Variants in TPP1 observed in about 807,000 individuals in gnomAD.
TPP1 encodes the protein tripeptidyl-peptidase 1.
In TPP1, 43 loss-of-function variants were observed where a neutral mutation model predicts 67.6. The observed-to-expected ratio is 0.64, with a 90% CI of 0.50 to 0.82. The LOEUF is 0.82. Ranked by LOEUF, TPP1 falls within the 40% of genes least tolerant of loss-of-function variation. The pLI is 0.00. For synonymous variants in TPP1, 272 were observed against 281.5 expected, an observed-to-expected ratio of 0.97 and a Z score of 0.34; for missense variants, 671 against 710.9, an observed-to-expected ratio of 0.94 and a Z score of 0.64.
chr11:6,614,825 A>C (rs1180717961), intron 12 of TPP1, 41 bp downstream of exon 12: 1 of 1,613,838 alleles, frequency 6.2e-7, no homozygotes, highest in South Asian at 1.1e-5. Context: ...CACTCCCCAT[A>C]GTTGTTTGAA....
chr11:6,616,654 G>C lies in TPP1; in HGVS notation c.886+7C>G, dbSNP rs886048543. Reference sequence around the variant, plus strand: ...CCTTCCCCACTGTCCAGTCCTCTTGGTAGTACCAGGGCTACTGTAGACCCA... The same window carrying C: ...CCTTCCCCACTGTCCAGTCCTCTTGCTAGTACCAGGGCTACTGTAGACCCA... On this transcript the variant is annotated splice_region_variant and intron_variant, in intron 7 of 12. Coordinates refer to ENST00000299427, the MANE Select transcript of TPP1 (RefSeq NM_000391.4). 1 of 1,613,848 alleles carries C rather than the reference G, an allele frequency of 6.2e-7. No homozygotes were observed. Among genetic ancestry groups the C allele is most frequent in the East Asian group, 2.2e-5 (1 of 44,882 alleles).
intron 12 of TPP1, 44 bp downstream of exon 12, chr11:6,614,822 C>T (rs369546082): frequency 1.5e-5 from 25 of 1,613,840 alleles, no homozygotes; most frequent in African/African-American, 2.7e-5. Context: ...TAGCACTCCC[C>T]ATAGTTGTTT....
In TPP1 at chr11:6,614,585, G is replaced by A. The variant is rs372564255; in HGVS notation, c.1653C>T (p.Pro551=). ...GAGTCTTCAGCAAAGCTGGGAAGTTGGGTGTTCCCCAGCCTGTTACAGGAT... is the reference window on the plus strand; with the variant it reads ...GAGTCTTCAGCAAAGCTGGGAAGTTAGGTGTTCCCCAGCCTGTTACAGGAT... The part of the protein sequence containing the change: ...GWDPVTGWGT[P]NFPALLKTLL... Residue 551 remains proline, a synonymous_variant, in exon 13 of 13, where the codon CCC becomes CCT. Coordinates refer to ENST00000299427, the MANE Select transcript of TPP1 (RefSeq NM_000391.4). 1 of 1,614,130 alleles carries A rather than the reference G, an allele frequency of 6.2e-7. No individual in the cohort carries two copies. The highest frequency in any genetic ancestry group is 1.1e-5 in the South Asian group (1 of 91,086).
Position 6,614,463 on chromosome 11 carries a change from C to G in TPP1, c.*83G>C. 1 of 1,593,260 alleles carries G rather than the reference C, an allele frequency of 6.3e-7. No homozygotes were observed. On this transcript the variant is annotated 3_prime_UTR_variant, in exon 13 of 13. Transcript: ENST00000299427. The stretch of plus-strand genomic sequence containing the variant: ...CAGCAGTCAATAGTTGAGGGTTCAG[C>G]AGGGCTTCCAACAGGGCAGAATAAG...
Position 6,616,398 on chromosome 11 carries a change from G to A in TPP1, c.992C>T (p.Ser331Phe), listed in dbSNP as rs755386210. The A allele has an allele frequency of 1.2e-6, 2 of 1,613,998 alleles. No individual in the cohort carries two copies. Among genetic ancestry groups the A allele is most frequent in the Non-Finnish European group, 1.7e-6 (2 of 1,180,014 alleles). ...CCGCTGGATGTAGGCGCTGCTGAGGGAGTCCTCATCATCTCCATAGCTCAC... is the reference window on the plus strand; with the variant it reads ...CCGCTGGATGTAGGCGCTGCTGAGGAAGTCCTCATCATCTCCATAGCTCAC... ...HTVSYGDDED[S>F]LSSAYIQRVN... is the part of the protein sequence containing the mutation. Residue 331 changes from serine to phenylalanine, a missense_variant, in exon 8 of 13, where the codon TCC (serine) becomes TTC (phenylalanine). Coordinates refer to ENST00000299427, the MANE Select transcript of TPP1 (RefSeq NM_000391.4).
Position 6,617,161 on chromosome 11 carries a change from G to C in TPP1, c.509-8C>G, listed in dbSNP as rs771299096. 1 of 1,613,972 alleles carries C rather than the reference G, an allele frequency of 6.2e-7. No homozygotes were observed. The highest frequency in any genetic ancestry group is 1.7e-5 in the Admixed American group (1 of 60,002). On this transcript the variant is annotated splice_region_variant and splice_polypyrimidine_tract_variant and intron_variant, in intron 5 of 12. Transcript: ENST00000299427. Reference sequence around the variant, plus strand: ...AACGGTGCAGTCCCCCCACTGTAGGGAGAAGTCAGGCTTGAGGAGATCTTA... The same window carrying C: ...AACGGTGCAGTCCCCCCACTGTAGGCAGAAGTCAGGCTTGAGGAGATCTTA...
At position 6,614,640 on chromosome 11, in the gene TPP1, C is replaced by T. The variant is rs1446194759; in HGVS notation, c.1598G>A (p.Gly533Asp). 19 of 1,614,124 alleles carry T rather than the reference C, an allele frequency of 1.2e-5. No homozygotes were observed. The highest frequency in any genetic ancestry group is 1.7e-5 in the Admixed American group (1 of 60,018). Residue 533 changes from glycine (G) to aspartate (D), a missense_variant, in exon 13 of 13, where the codon GGC becomes GAC. Physicochemically the swap from Gly to Asp is moderately conservative, Grantham distance 94 (BLOSUM62 -1). Transcript: ENST00000299427. The part of the protein sequence containing the change: ...HESCLDEEVE[G>D]QGFCSGPGWD... Reference sequence around the variant, plus strand: ...GCCAGGACCAGAGCAGAAACCCTGGCCCTCTACCTCTTCATCCAGACAGGA... The same window carrying T: ...GCCAGGACCAGAGCAGAAACCCTGGTCCTCTACCTCTTCATCCAGACAGGA...
At position 6,613,073 on chromosome 11, in the gene TPP1, C is replaced by T. The variant is rs973519581; in HGVS notation, c.*1473G>A. 6.6e-6 allele frequency: 1 copy of T among 152,414 alleles called. No individual in the cohort carries two copies. Among genetic ancestry groups the T allele is most frequent in the Middle Eastern group, 3.2e-3 (1 of 316 alleles). The allele number at this position is 152,414 out of a possible 1,614,324, so 9.4% of individuals were successfully genotyped here. On this transcript the variant is annotated 3_prime_UTR_variant, in exon 13 of 13. Coordinates refer to ENST00000299427, the MANE Select transcript of TPP1 (RefSeq NM_000391.4). ...TATGAAAGGCAGGTATTGATATTCACACTTAACAGACGAGGAAACAGCCTC... is the reference window on the plus strand; with the variant it reads ...TATGAAAGGCAGGTATTGATATTCATACTTAACAGACGAGGAAACAGCCTC...
Position 6,613,734 on chromosome 11 carries a change from A to T in TPP1, c.*812T>A, listed in dbSNP as rs898984736. 1.2e-4 allele frequency: 18 copies of T among 152,708 alleles called. No individual in the cohort carries two copies. Among genetic ancestry groups the T allele is most frequent in the African/African-American group, 4.1e-4 (17 of 41,450 alleles). 9.5% of individuals were successfully genotyped at this position (152,708 alleles called of 1,614,324 possible). A position where few individuals can be genotyped will look rare whatever the true frequency, so the allele number is the denominator to read the frequency against. On this transcript the variant is annotated 3_prime_UTR_variant, in exon 13 of 13. Coordinates refer to ENST00000299427, the MANE Select transcript of TPP1 (RefSeq NM_000391.4). Reference sequence around the variant, plus strand: ...TGATTGAAGGTGGGGTGAAAAGATGACACAGGTTTCTGGCTTGGTTGGAAA... The same window carrying T: ...TGATTGAAGGTGGGGTGAAAAGATGTCACAGGTTTCTGGCTTGGTTGGAAA...
chr11:6,615,478 A>G lies in TPP1; in HGVS notation c.1230T>C (p.Gly410=). ...GCCGTGGGAACACATTGCTGAAGCC[A>G]CCACCACTGATATAGTCAACAATTT... is the stretch of plus-strand genomic sequence containing the variant. The part of the protein sequence containing the change: ...TNEIVDYISG[G]GFSNVFPRPS... The change falls in exon 10 of 13, where the codon GGT becomes GGC. Residue 410 remains glycine (G), a synonymous_variant. Coordinates refer to ENST00000299427, the MANE Select transcript of TPP1 (RefSeq NM_000391.4). 1 of 1,614,238 alleles carries G rather than the reference A, an allele frequency of 6.2e-7. No individual in the cohort carries two copies. Among genetic ancestry groups the G allele is most frequent in the Non-Finnish European group, 8.5e-7 (1 of 1,180,042 alleles).
chr11:6,616,422 A>G lies in TPP1; in HGVS notation c.968T>C (p.Val323Ala), dbSNP rs770155767. 5.0e-6 allele frequency: 8 copies of G among 1,613,480 alleles called. No homozygotes were observed. Among genetic ancestry groups the G allele is most frequent in the Non-Finnish European group, 6.8e-6 (8 of 1,179,766 alleles). The change falls in exon 8 of 13, where the codon GTG (valine) becomes GCG (alanine). Residue 323 changes from valine (V) to alanine (A), a missense_variant. Transcript: ENST00000299427. Reference protein sequence around the residue: ...NESALPHVHTVSYGDDEDSLS... With the variant: ...NESALPHVHTASYGDDEDSLS... ...GGAGTCCTCATCATCTCCATAGCTC[A>G]CAGTATGCACATGTGGCAGGGCTGA...
Position 6,616,774 on chromosome 11 carries a change from G to A in TPP1, c.773C>T (p.Ala258Val), listed in dbSNP as rs769442364. Residue 258 changes from alanine (A) to valine (V), a missense_variant, in exon 7 of 13, where the codon GCC becomes GTC. Physicochemically the swap from Ala to Val is moderately conservative, Grantham distance 64. Transcript: ENST00000299427. ...CCGGCCCTGTTGTCCAACCACACGGGCTACTGATGCCTGATGTGCAAAGTT... is the reference window on the plus strand; with the variant it reads ...CCGGCCCTGTTGTCCAACCACACGGACTACTGATGCCTGATGTGCAAAGTT... ...GGNFAHQASV[A>V]RVVGQQGRGR... 1 of 1,613,856 alleles carries A rather than the reference G, an allele frequency of 6.2e-7. No homozygotes were observed. Among genetic ancestry groups the A allele is most frequent in the Non-Finnish European group, 8.5e-7 (1 of 1,180,028 alleles).
chr11:6,615,369 C>G, intron 10 of TPP1, 40 bp from the exon 11 acceptor site: 1 of 1,614,060 alleles, frequency 6.2e-7, no homozygotes, highest in Non-Finnish European at 8.5e-7. Flanking sequence ...ATGTGGCCTG[C>G]CCAGCAGTCA....
intron 3 of TPP1, chr11:6,618,540 G>A (rs1855619246): frequency 1.5e-5 from 9 of 616,012 alleles, no homozygotes; most frequent in East Asian, 1.4e-4. Context: ...GGATTTGAGG[G>A]TAGGGGAAGG....
rs536145175 is a variant in TPP1 at position 6,613,530 on chromosome 11, G to C, written c.*1016C>G. On this transcript the variant is annotated 3_prime_UTR_variant, in exon 13 of 13. Transcript: ENST00000299427. ...TACTCTGGAAGATGACTTGGGGATT[G>C]GCAGGAAGTAAGGACACTTTTTTTC... 2 of 152,704 alleles carry C rather than the reference G, an allele frequency of 1.3e-5. No individual in the cohort carries two copies. Among genetic ancestry groups the C allele is most frequent in the South Asian group, 4.1e-4 (2 of 4,832 alleles). 9.5% of individuals were successfully genotyped at this position (152,704 alleles called of 1,614,324 possible).
rs747260298 is a variant in TPP1, at chr11:6,618,882, C to T, written c.123G>A (p.Ala41=). ...LPPGWVSLGR[A]DPEEELSLTF... ...TGAGACTCAGCTCTTCCTCAGGGTC[C>T]GCACGGCCCAGGGACACCCAGCCTG... The change falls in exon 3 of 13, where the codon GCG becomes GCA. Residue 41 remains alanine, a synonymous_variant. Coordinates refer to ENST00000299427, the MANE Select transcript of TPP1 (RefSeq NM_000391.4). 67 of 1,613,714 alleles carry T rather than the reference C, an allele frequency of 4.2e-5. No individual in the cohort carries two copies. Among genetic ancestry groups the T allele is most frequent in the Admixed American group, 6.7e-5 (4 of 60,002 alleles).
rs1420657088 is a variant in TPP1, at chr11:6,618,895, G to C, written c.110C>G (p.Ser37Cys). 6.2e-7 allele frequency: 1 copy of C among 1,613,562 alleles called. No homozygotes were observed. The highest frequency in any genetic ancestry group is 8.5e-7 in the Non-Finnish European group (1 of 1,180,052). The change falls in exon 3 of 13, where the codon TCC becomes TGC. Residue 37 changes from serine to cysteine, a missense_variant. By Grantham distance (112) the Ser-to-Cys change is moderately radical. Coordinates refer to ENST00000299427, the MANE Select transcript of TPP1 (RefSeq NM_000391.4). ...TTCCTCAGGGTCCGCACGGCCCAGG[G>C]ACACCCAGCCTGGGGGCAGCCTGTA... is the stretch of plus-strand genomic sequence containing the variant. ...QRRTLPPGWV[S>C]LGRADPEEEL...
rs752191339 is a variant in TPP1, at chr11:6,618,860, G to C, written c.145C>G (p.Leu49Val). ...GRADPEEELSLTFALRQQNVE... is the reference protein window; with the variant it reads ...GRADPEEELSVTFALRQQNVE... ...TTCTGCTGTCTCAGGGCAAAGGTGA[G>C]ACTCAGCTCTTCCTCAGGGTCCGCA... Residue 49 changes from leucine to valine, a missense_variant, in exon 3 of 13, where the codon CTC becomes GTC. By Grantham distance (32) the Leu-to-Val change is conservative. Coordinates refer to ENST00000299427, the MANE Select transcript of TPP1 (RefSeq NM_000391.4). 6.2e-7 allele frequency: 1 copy of C among 1,614,082 alleles called. No individual in the cohort carries two copies. The highest frequency in any genetic ancestry group is 8.5e-7 in the Non-Finnish European group (1 of 1,180,044).
rs768291817 is a variant in TPP1 at position 6,616,993 on chromosome 11, GT to G, written c.668del (p.Asn223ThrfsTer35). 6.2e-7 allele frequency: 1 copy of G among 1,614,160 alleles called. No homozygotes were observed. The highest frequency in any genetic ancestry group is 1.7e-5 in the Admixed American group (1 of 60,020). On this transcript the variant is annotated frameshift_variant, in exon 6 of 13. Transcript: ENST00000299427. LOFTEE classifies it high-confidence loss of function. ...SQDVGSGTSN[N>X]SQACAQFLEQ... ...GGCTCACCTGGGCACAGGCTTGGCT[GT>G]TATTGCTGGTGCCAGAGCCCACGTC...
Sources: allele counts gnomAD v4.1 joint callset, GRCh38; gene constraint gnomAD v4.1.1; transcripts MANE v1.5; gene names NCBI Gene and HGNC (gene_info 2026-07-23, HGNC 2026-07-21).